Variants in ARHGAP6 observed in about 807,000 individuals in gnomAD.
The protein encoded by ARHGAP6 is Rho GTPase activating protein 6, also known as rho GTPase-activating protein 6.
Under a neutral mutation model 55.7 loss-of-function variants are expected in ARHGAP6, and 16 were observed. The ratio of observed to expected loss-of-function variants is 0.29; its 90% CI spans 0.19 to 0.44. The LOEUF is 0.44. Ranked by LOEUF, ARHGAP6 falls within the 20% of genes least tolerant of loss-of-function variation. ARHGAP6 has a pLI of 1.00. For synonymous variants in ARHGAP6, 382 were observed against 360.9 expected, an observed-to-expected ratio of 1.06 and a Z score of -0.66; for missense variants, 698 against 808.9, an observed-to-expected ratio of 0.86 and a Z score of 1.66.
At chrX:11,209,750 C>T (rs1278891085) in intron 2 of ARHGAP6, among the ~76,000 whole-genome samples, 1 of 111,687 alleles carries the variant, frequency 9.0e-6, no homozygotes, top group African/African-American at 3.3e-5. Context: ...CACTCCATGG[C>T]CAATGGATCT....
At chrX:11,276,452 C>A (rs1038078976) in intron 1 of ARHGAP6, among the ~76,000 whole-genome samples, 1 of 111,735 alleles carries the variant, frequency 8.9e-6, no homozygotes, top group African/African-American at 3.3e-5. Flanking sequence ...GAAACAAGAC[C>A]AGCAGGGAAT....
intron 1 of ARHGAP6, among the ~76,000 whole-genome samples, chrX:11,527,883 G>A (rs1382690660): frequency 8.9e-6 from 1 of 112,359 alleles, no homozygotes; most frequent in Non-Finnish European, 1.9e-5. Context: ...TCTTTTCAAA[G>A]CATTGCATGG....
intron 1 of ARHGAP6, among the ~76,000 whole-genome samples, chrX:11,494,281 T>C (rs754836784): frequency 2.2e-4 from 25 of 112,055 alleles, no homozygotes; most frequent in Non-Finnish European, 3.9e-4. Context: ...CCTTCTAATA[T>C]GTTTTCTTTT....
intron 1 of ARHGAP6, among the ~76,000 whole-genome samples, chrX:11,338,792 C>T (rs955111598): frequency 4.5e-5 from 5 of 112,323 alleles, no homozygotes; most frequent in African/African-American, 1.6e-4. Flanking sequence ...GACTATTCTG[C>T]TTTTATTCTA....
intron 1 of ARHGAP6, among the ~76,000 whole-genome samples, chrX:11,491,523 T>C (rs1025729054): frequency 2.7e-5 from 3 of 111,903 alleles, no homozygotes; most frequent in African/African-American, 9.8e-5. Context: ...TTCATCCATG[T>C]CCCTACAAAG....
At chrX:11,153,817 TTTA>T (rs1388523033) in intron 10 of ARHGAP6, among the ~76,000 whole-genome samples, 1 of 110,943 alleles carries the variant, frequency 9.0e-6, no homozygotes, top group Non-Finnish European at 1.9e-5. Context: ...TTCTTTTTAT[TTTA>T]TTATTATTAT....
intron 1 of ARHGAP6, among the ~76,000 whole-genome samples, chrX:11,355,953 T>C (rs931454341): frequency 3.6e-5 from 4 of 111,669 alleles, no homozygotes; most frequent in Admixed American, 1.9e-4. Context: ...TTTTACTCAA[T>C]GCTAGTCCTA....
chrX:11,346,288 C>G (rs147197510), intron 1 of ARHGAP6, among the ~76,000 whole-genome samples: 1 of 111,615 alleles, frequency 9.0e-6, no homozygotes, highest in African/African-American at 3.3e-5. Flanking sequence ...CCAGTCCATT[C>G]GTTTGCATAT....
At chrX:11,592,316 T>C (rs1256759522) in intron 1 of ARHGAP6, among the ~76,000 whole-genome samples, 1 of 112,043 alleles carries the variant, frequency 8.9e-6, no homozygotes, top group Non-Finnish European at 1.9e-5. Context: ...CTGCCTGGAA[T>C]AGTAAATTCA....
intron 1 of ARHGAP6, among the ~76,000 whole-genome samples, chrX:11,623,314 C>A (rs745709330): frequency 4.9e-4 from 55 of 111,124 alleles, no homozygotes; most frequent in African/African-American, 1.7e-3. Flanking sequence ...AAAAAGAAAT[C>A]AAGAAAGCTA....
chrX:11,327,039 G>T (rs1290653780), intron 1 of ARHGAP6, among the ~76,000 whole-genome samples: 1 of 111,663 alleles, frequency 9.0e-6, no homozygotes, highest in East Asian at 2.8e-4. Context: ...TTACATTAGG[G>T]AGTAGCACTG....
At chrX:11,333,274 C>T (rs1265013160) in intron 1 of ARHGAP6, among the ~76,000 whole-genome samples, 2 of 111,686 alleles carry the variant, frequency 1.8e-5, no homozygotes, top group Non-Finnish European at 3.8e-5. Context: ...GTAACTGAGT[C>T]AATGGGATGG....
intron 1 of ARHGAP6, among the ~76,000 whole-genome samples, chrX:11,456,088 T>G (rs888438415): frequency 3.6e-5 from 4 of 112,046 alleles, no homozygotes; most frequent in African/African-American, 1.3e-4. Flanking sequence ...AGTTGTAAAC[T>G]GTAATATTAA....
intron 3 of ARHGAP6, among the ~76,000 whole-genome samples, chrX:11,192,000 T>G (rs2046468096): frequency 1.8e-5 from 2 of 111,916 alleles, no homozygotes; most frequent in African/African-American, 6.5e-5. Flanking sequence ...TCTCTCTCTG[T>G]AAGTGACAGC....
Position 11,185,877 on chromosome X carries a change from C to T in ARHGAP6, c.1273+359G>A, listed in dbSNP as rs370595960. On this transcript the variant is annotated intron_variant, in intron 5 of 12. Transcript: ENST00000337414. The stretch of plus-strand genomic sequence containing the variant: ...TAAAGGAAACTTTGTGAGTAACCTC[C>T]TAGGCTACTTTTATGTATAAACAAT... Among the ~76,000 whole-genome samples, 61 of 111,346 alleles carry T rather than the reference C, an allele frequency of 5.5e-4. 1 individual carries two copies. Among genetic ancestry groups the T allele is most frequent in the African/African-American group, 1.7e-3 (52 of 30,659 alleles).
intron 1 of ARHGAP6, among the ~76,000 whole-genome samples, chrX:11,291,199 T>G (rs969206885): frequency 2.6e-4 from 29 of 112,375 alleles, no homozygotes; most frequent in African/African-American, 8.7e-4. Context: ...AAGTGGGGCC[T>G]AAATTAGTGG....
intron 1 of ARHGAP6, among the ~76,000 whole-genome samples, chrX:11,632,100 T>C (rs904265084): frequency 1.8e-5 from 2 of 112,001 alleles, no homozygotes; most frequent in Non-Finnish European, 3.8e-5. Flanking sequence ...GTTAAGAATA[T>C]AATATTTAAT....
chrX:11,413,356 G>A (rs2049710275), intron 1 of ARHGAP6, among the ~76,000 whole-genome samples: 1 of 112,384 alleles, frequency 8.9e-6, no homozygotes, highest in African/African-American at 3.2e-5. Context: ...CCATGGTGTA[G>A]AGCTAAAGCT....
chrX:11,580,292 TC>T (rs2051650853), intron 1 of ARHGAP6, among the ~76,000 whole-genome samples: 1 of 112,178 alleles, frequency 8.9e-6, no homozygotes, highest in Non-Finnish European at 1.9e-5. Context: ...GGGAATTAAG[TC>T]CCTGGAAATA....
Sources: allele counts gnomAD v4.1 joint callset (sites outside exome capture counted in the v4.1 genomes callset), GRCh38; gene constraint gnomAD v4.1.1; transcripts MANE v1.5; gene names NCBI Gene and HGNC (gene_info 2026-07-23, HGNC 2026-07-21).